Variants in NDC1 observed in about 807,000 individuals in gnomAD.
NDC1 encodes NDC1 transmembrane nucleoporin, also known as nucleoporin NDC1.
A neutral mutation model predicts 89.8 loss-of-function variants in NDC1; 24 were observed. The ratio of observed to expected loss-of-function variants is 0.27; its 90% CI spans 0.19 to 0.38. NDC1 has a LOEUF of 0.38. Ranked by LOEUF, NDC1 falls within the 10% of genes least tolerant of loss-of-function variation. NDC1 has a pLI of 1.00. For synonymous variants in NDC1, 296 were observed against 284.8 expected (o/e 1.04, Z -0.39); for missense variants, 728 against 797.6 (o/e 0.91, Z 1.05).
At chr1:53,804,128 A>T (rs1648022788) in intron 9 of NDC1, 119 bp from the exon 10 acceptor site, 1 of 745,528 alleles carries the variant, frequency 1.3e-6, no homozygotes, top group Non-Finnish European at 2.2e-6. Context: ...TCATGAAAAA[A>T]AAAATCTCAG....
chr1:53,805,956 C>T (rs1428277826), intron 9 of NDC1, among the ~76,000 whole-genome samples: 2 of 152,206 alleles, frequency 1.3e-5, no homozygotes, highest in East Asian at 3.8e-4. Context: ...CGCCTGTAAT[C>T]CCAGCTACAC....
At chr1:53,776,910 T>C (rs543324087) in intron 16 of NDC1, among the ~76,000 whole-genome samples, 1 of 152,286 alleles carries the variant, frequency 6.6e-6, no homozygotes, top group African/African-American at 2.4e-5. Context: ...CCTAGGATAA[T>C]CGATAGCAAA....
chr1:53,773,877 A>G (rs1217591628), intron 16 of NDC1, among the ~76,000 whole-genome samples: 3 of 152,204 alleles, frequency 2.0e-5, no homozygotes, highest in Non-Finnish European at 4.4e-5. Flanking sequence ...CTACAGTGGA[A>G]GAGGAGCAAT....
chr1:53,778,491 G>A (rs1348169035), intron 16 of NDC1, among the ~76,000 whole-genome samples: 1 of 151,968 alleles, frequency 6.6e-6, no homozygotes, highest in Admixed American at 6.6e-5. Context: ...GGTGGCTCAC[G>A]CCTGTAATCC....
chr1:53,780,095 G>A (rs1164589724), intron 16 of NDC1, among the ~76,000 whole-genome samples: 1 of 151,982 alleles, frequency 6.6e-6, no homozygotes, highest in Non-Finnish European at 1.5e-5. Context: ...GAATTTTGCT[G>A]TTGTTGCCCA....
At chr1:53,820,701 CTTTTTTTTTTTT>C (rs927514677) in intron 5 of NDC1, among the ~76,000 whole-genome samples, 3 of 74,880 alleles carry the variant, frequency 4.0e-5, no homozygotes, top group African/African-American at 5.6e-5. Context: ...ACTTCTCTCT[CTTTTTTTTTTTT>C]TTTTTTTTTT....
rs1173059407 is a variant in NDC1 at position 53,827,256 on chromosome 1, T to A, written c.455+743A>T. Among the ~76,000 whole-genome samples the A allele has an allele frequency of 7.6e-5, 11 of 144,768 alleles. 1 individual carries two copies. The Admixed American group carries it at 7.7e-4, about 10-fold the overall frequency. The allele number at this position is 144,768 out of a possible 152,430, so 95.0% of individuals were successfully genotyped here. Reference sequence around the variant, plus strand: ...AATAGAGAACTTAAGATCACTCCAATCATCTTTGTTTAAAAAAAAAAAAAA... The same window carrying A: ...AATAGAGAACTTAAGATCACTCCAAACATCTTTGTTTAAAAAAAAAAAAAA... On this transcript the variant is annotated intron_variant, in intron 4 of 17. Transcript: ENST00000371429.
intron 11 of NDC1, among the ~76,000 whole-genome samples, chr1:53,798,920 G>C (rs956691884): frequency 6.6e-6 from 1 of 152,150 alleles, no homozygotes; most frequent in Non-Finnish European, 1.5e-5. Context: ...TAAAAATTAA[G>C]ACTGGAGTTT....
intron 17 of NDC1, among the ~76,000 whole-genome samples, chr1:53,768,300 T>C (rs1018140814): frequency 2.0e-5 from 3 of 152,240 alleles, no homozygotes; most frequent in African/African-American, 7.2e-5. Flanking sequence ...CCTGCTCTGC[T>C]ATGGAACCTG....
chr1:53,799,442 A>C lies in NDC1; in HGVS notation c.1222+1251T>G, dbSNP rs546317691. ...AATCTGATGTGTGTTAATTTATTTAAATCATTTTTCATATGTAATCTATTT... is the reference window on the plus strand; with the variant it reads ...AATCTGATGTGTGTTAATTTATTTACATCATTTTTCATATGTAATCTATTT... On this transcript the variant is annotated intron_variant, in intron 11 of 17. Transcript: ENST00000371429. 2.0e-5 allele frequency among the ~76,000 whole-genome samples: 3 copies of C among 152,330 alleles called. No individual in the cohort carries two copies. In the East Asian group the frequency reaches 5.8e-4, roughly 29 times the overall value.
chr1:53,768,654 G>A (rs772924904), intron 17 of NDC1, among the ~76,000 whole-genome samples: 6 of 152,056 alleles, frequency 3.9e-5, no homozygotes, highest in Non-Finnish European at 8.8e-5. Context: ...AAACTTTTGG[G>A]CAAAAATTGA....
At chr1:53,830,714 T>G (rs948520566) in intron 3 of NDC1, among the ~76,000 whole-genome samples, 1 of 149,184 alleles carries the variant, frequency 6.7e-6, no homozygotes, top group East Asian at 2.0e-4. Context: ...TAGAAAAAAT[T>G]AGCCAGGTGT....
intron 3 of NDC1, among the ~76,000 whole-genome samples, chr1:53,830,998 G>A (rs1190936835): frequency 1.3e-5 from 2 of 152,140 alleles, no homozygotes; most frequent in East Asian, 1.9e-4. Flanking sequence ...AAGGCAGGCC[G>A]ATCACGAGGT....
intron 17 of NDC1, among the ~76,000 whole-genome samples, chr1:53,772,050 G>A (rs1406609500): frequency 6.6e-6 from 1 of 151,672 alleles, no homozygotes; most frequent in East Asian, 1.9e-4. Context: ...TCTCCCTTAA[G>A]GATCTTTTGA....
chr1:53,771,833 C>T (rs1226263153), intron 17 of NDC1, among the ~76,000 whole-genome samples: 2 of 152,058 alleles, frequency 1.3e-5, no homozygotes, highest in Non-Finnish European at 2.9e-5. Context: ...TATAAACAGG[C>T]TTGGCATTTG....
chr1:53,834,025 C>T (rs977313506), intron 2 of NDC1, among the ~76,000 whole-genome samples: 2 of 152,028 alleles, frequency 1.3e-5, no homozygotes, highest in African/African-American at 2.4e-5. Flanking sequence ...TCAGGCAATC[C>T]GCCCGCCTCA....
intron 16 of NDC1, among the ~76,000 whole-genome samples, chr1:53,783,044 C>A (rs1450104951): frequency 2.6e-5 from 4 of 152,072 alleles, no homozygotes; most frequent in African/African-American, 9.7e-5. Context: ...CAACAGACTG[C>A]CAAAGGAATC....
intron 16 of NDC1, among the ~76,000 whole-genome samples, chr1:53,778,270 C>T (rs946142114): frequency 2.6e-5 from 4 of 150,996 alleles, no homozygotes; most frequent in African/African-American, 4.9e-5. Context: ...TACACACACA[C>T]ACACACACAC....
At chr1:53,801,246 G>A (rs1001652767) in intron 10 of NDC1, among the ~76,000 whole-genome samples, 2 of 152,066 alleles carry the variant, frequency 1.3e-5, no homozygotes. Flanking sequence ...TGAACACTAC[G>A]ATGTCCAGTG....
Sources: allele counts gnomAD v4.1 joint callset (sites outside exome capture counted in the v4.1 genomes callset), GRCh38; gene constraint gnomAD v4.1.1; transcripts MANE v1.5; gene names NCBI Gene and HGNC (gene_info 2026-07-23, HGNC 2026-07-21).